BICRAL: variants seen among roughly 807,000 people sequenced by gnomAD.
The protein encoded by BICRAL is BRD4-interacting chromatin-remodeling complex-associated protein-like.
A neutral mutation model predicts 91.8 loss-of-function variants in BICRAL; 8 were observed. The observed-to-expected ratio is 0.09, with a 90% CI of 0.05 to 0.16. The LOEUF (loss-of-function observed/expected upper bound fraction) is 0.16, where lower values mean the gene tolerates loss of function less well. Among genes scored for constraint, BICRAL ranks in the 10% least tolerant of loss-of-function variants. BICRAL has a pLI of 1.00. For missense variants in BICRAL, 1,038 were observed against 1,310.9 expected (o/e 0.79, Z 3.21); for synonymous variants, 445 against 491.1 (o/e 0.91, Z 1.24).
At chr6:42,815,266 T>G (rs1221771589) in intron 2 of BICRAL, among the ~76,000 whole-genome samples, 1 of 147,738 alleles carries the variant, frequency 6.8e-6, no homozygotes, top group African/African-American at 2.5e-5. Flanking sequence ...CTTGGCTCAC[T>G]GCAACCCCCA....
chr6:42,750,957 A>G (rs1021636973), intron 1 of BICRAL, among the ~76,000 whole-genome samples: 1 of 127,192 alleles, frequency 7.9e-6, no homozygotes, highest in Non-Finnish European at 1.5e-5. Flanking sequence ...GTTTTGTTAC[A>G]TCGGTATACA....
intron 1 of BICRAL, among the ~76,000 whole-genome samples, chr6:42,764,296 C>T (rs1021843767): frequency 4.0e-5 from 6 of 151,216 alleles, no homozygotes; most frequent in Admixed American, 3.3e-4. Context: ...ACCTGTAATC[C>T]CAGCACTTTG....
chr6:42,834,704 A>G (rs1764592230), intron 6 of BICRAL, among the ~76,000 whole-genome samples: 1 of 152,160 alleles, frequency 6.6e-6, no homozygotes, highest in Admixed American at 6.6e-5. Context: ...AAGTCTACCC[A>G]CATTTGGCAA....
chr6:42,848,981 G>A (rs1300132980), intron 6 of BICRAL, among the ~76,000 whole-genome samples: 3 of 152,192 alleles, frequency 2.0e-5, no homozygotes, highest in Non-Finnish European at 2.9e-5. Flanking sequence ...GGGACATGCT[G>A]TAAAACTGGA....
At position 42,823,971 on chromosome 6, in the gene BICRAL, C is replaced by T. The variant is rs138638355; in HGVS notation, c.159+968C>T. On this transcript the variant is annotated intron_variant, in intron 5 of 12. Transcript: ENST00000314073. ...TAAAATAATACACCAGGCATGGTGG[C>T]TCACACCTGTAATCCCAGCACTTTG... 6.9e-3 allele frequency among the ~76,000 whole-genome samples: 1,044 copies of T among 152,050 alleles called. 4 individuals carry two copies. Among genetic ancestry groups the T allele is most frequent in the African/African-American group, 0.022 (917 of 41,496 alleles).
chr6:42,858,991 T>C (rs1765471828), intron 10 of BICRAL, among the ~76,000 whole-genome samples: 1 of 151,978 alleles, frequency 6.6e-6, no homozygotes, highest in South Asian at 2.1e-4. Context: ...CAAGTCTTAC[T>C]CCTCCTGGCA....
chr6:42,769,044 C>A (rs1762681110), intron 1 of BICRAL, among the ~76,000 whole-genome samples: 1 of 152,242 alleles, frequency 6.6e-6, no homozygotes, highest in African/African-American at 2.4e-5. Flanking sequence ...TATAACAAGG[C>A]ACCCTAAAAT....
chr6:42,761,357 G>A (rs1762544762), intron 1 of BICRAL, among the ~76,000 whole-genome samples: 1 of 152,154 alleles, frequency 6.6e-6, no homozygotes, highest in East Asian at 1.9e-4. Flanking sequence ...TTGGGAGGTG[G>A]AGGATCTCTT....
intron 2 of BICRAL, among the ~76,000 whole-genome samples, chr6:42,813,760 A>G (rs1253218243): frequency 1.3e-5 from 2 of 152,094 alleles, no homozygotes; most frequent in Admixed American, 6.6e-5. Flanking sequence ...GATTCAAGCA[A>G]TCCACCCACT....
At chr6:42,771,536 G>A (rs1024794555) in intron 1 of BICRAL, among the ~76,000 whole-genome samples, 2 of 151,904 alleles carry the variant, frequency 1.3e-5, no homozygotes, top group East Asian at 1.9e-4. Flanking sequence ...AGGGAAGGAG[G>A]GTTTTGAGGT....
chr6:42,826,877 C>T (rs1764323027), intron 5 of BICRAL, among the ~76,000 whole-genome samples: 1 of 152,074 alleles, frequency 6.6e-6, no homozygotes, highest in South Asian at 2.1e-4. Context: ...ACCTCTGCCT[C>T]CCAGATTCAA....
chr6:42,748,835 T>C (rs1762332021), intron 1 of BICRAL, among the ~76,000 whole-genome samples: 1 of 152,330 alleles, frequency 6.6e-6, no homozygotes, highest in East Asian at 1.9e-4. Flanking sequence ...ATGGCTGGCA[T>C]TGCCCGGCTG....
At chr6:42,751,021 C>T (rs1222663591) in intron 1 of BICRAL, among the ~76,000 whole-genome samples, 3 of 149,976 alleles carry the variant, frequency 2.0e-5, no homozygotes, top group Non-Finnish European at 4.4e-5. Context: ...TTTTAAGCCC[C>T]GTATGCATTA....
chr6:42,760,688 G>C (rs919826381), intron 1 of BICRAL, among the ~76,000 whole-genome samples: 2 of 152,116 alleles, frequency 1.3e-5, no homozygotes, highest in Admixed American at 6.6e-5. Flanking sequence ...TTACAGGCAT[G>C]AGCCACTGTG....
At chr6:42,776,191 C>A (rs1206831876) in intron 1 of BICRAL, among the ~76,000 whole-genome samples, 3 of 151,108 alleles carry the variant, frequency 2.0e-5, no homozygotes, top group Non-Finnish European at 4.4e-5. Flanking sequence ...CTGGCTAATT[C>A]TTGTATTTTT....
intron 10 of BICRAL, 106 bp from the exon 11 acceptor site, chr6:42,860,156 C>A: frequency 1.4e-6 from 1 of 689,832 alleles, no homozygotes; most frequent in Non-Finnish European, 2.5e-6. Context: ...CCCAGATAAG[C>A]CATGTTTGAA....
At chr6:42,864,566 G>A in intron 12 of BICRAL, 93 bp from the exon 13 acceptor site, 2 of 962,300 alleles carry the variant, frequency 2.1e-6, no homozygotes, top group Non-Finnish European at 3.2e-6. Flanking sequence ...AGTGGGGCTG[G>A]CTTTGCCCTC....
rs528147495 is a variant in BICRAL, at chr6:42,773,302, T to C, written c.-260-8537T>C. 1.4e-3 allele frequency among the ~76,000 whole-genome samples: 220 copies of C among 151,998 alleles called. 4 individuals carry two copies. Among genetic ancestry groups the C allele is most frequent in the African/African-American group, 5.0e-3 (207 of 41,442 alleles). The stretch of plus-strand genomic sequence containing the variant: ...CATTTTGGCCAGGGTGGTCTTGAAC[T>C]CCTGACCTCAGGTGATCCACCCACC... On this transcript the variant is annotated intron_variant, in intron 1 of 14. Transcript: ENST00000614467.
chr6:42,771,690 C>T (rs1026374332), intron 1 of BICRAL, among the ~76,000 whole-genome samples: 12 of 151,966 alleles, frequency 7.9e-5, no homozygotes, highest in Non-Finnish European at 1.8e-4. Flanking sequence ...TAATTAACAC[C>T]TTGGTTAAAT....
Sources: allele counts gnomAD v4.1 joint callset (sites outside exome capture counted in the v4.1 genomes callset), GRCh38; gene constraint gnomAD v4.1.1; transcripts MANE v1.5; gene names NCBI Gene and HGNC (gene_info 2026-07-23, HGNC 2026-07-21).